Variants in TMEM164 observed in about 807,000 individuals in gnomAD.
The protein encoded by TMEM164 is RP13-360B22.2.
TMEM164 carries 4 observed loss-of-function variants against 18.8 expected under a neutral mutation model. The observed-to-expected ratio is 0.21, with a 90% CI of 0.10 to 0.49. The LOEUF is 0.49. TMEM164 is among the 20% of genes least tolerant of loss of function. The probability of loss-of-function intolerance (pLI) is 0.98; values close to 1 mark genes in which losing one functional copy is unlikely to be tolerated. For synonymous variants in TMEM164, 86 were observed against 101.7 expected (o/e 0.85, Z 0.93); for missense variants, 108 against 239.9 (o/e 0.45, Z 3.63).
chrX:110,090,215 T>A (rs967473109), intron 3 of TMEM164, among the ~76,000 whole-genome samples: 1 of 110,891 alleles, frequency 9.0e-6, no homozygotes, highest in Non-Finnish European at 1.9e-5. Flanking sequence ...CAGGGAATTA[T>A]CTTTGTGTCC....
At chrX:110,135,413 T>G (rs2066676446) in intron 4 of TMEM164, among the ~76,000 whole-genome samples, 1 of 111,651 alleles carries the variant, frequency 9.0e-6, no homozygotes, top group Non-Finnish European at 1.9e-5. Flanking sequence ...AATTACAAAT[T>G]TTTTGTAATT....
At chrX:110,134,228 G>C (rs2066652754) in intron 4 of TMEM164, among the ~76,000 whole-genome samples, 1 of 111,279 alleles carries the variant, frequency 9.0e-6, no homozygotes, top group Admixed American at 9.5e-5. Context: ...AGGAAGTCAG[G>C]AGTAGCCCTG....
chrX:110,107,687 T>C (rs1330716303), intron 3 of TMEM164, among the ~76,000 whole-genome samples: 2 of 92,384 alleles, frequency 2.2e-5, no homozygotes, highest in African/African-American at 8.0e-5. Flanking sequence ...CCTCCCCAAG[T>C]CTTGCTCTGT....
intron 2 of TMEM164, among the ~76,000 whole-genome samples, chrX:110,044,511 C>T (rs752460225): frequency 2.5e-4 from 27 of 106,581 alleles, no homozygotes; most frequent in Non-Finnish European, 4.4e-4. Context: ...GTGATCATAG[C>T]TCACTGCAAC....
intron 4 of TMEM164, among the ~76,000 whole-genome samples, chrX:110,141,565 C>G (rs1205893189): frequency 8.9e-6 from 1 of 111,743 alleles, no homozygotes; most frequent in African/African-American, 3.3e-5. Context: ...GACTTATTCA[C>G]TACCACCAGA....
chrX:110,171,076 A>G (rs2067224447), intron 5 of TMEM164, among the ~76,000 whole-genome samples: 1 of 112,581 alleles, frequency 8.9e-6, no homozygotes, highest in South Asian at 3.7e-4. Flanking sequence ...GATTGCAAAT[A>G]CTAATTTAGA....
At chrX:110,082,150 C>T (rs2147890945) in intron 3 of TMEM164, 1 of 113,497 alleles carries the variant, frequency 8.8e-6, no homozygotes, top group Non-Finnish European at 1.9e-5. Context: ...GGTGTGGAGC[C>T]AAAATTAGAA....
intron 3 of TMEM164, among the ~76,000 whole-genome samples, chrX:110,093,375 T>C (rs772661695): frequency 8.9e-6 from 1 of 112,118 alleles, no homozygotes; most frequent in African/African-American, 3.2e-5. Flanking sequence ...GAGCCTGTTA[T>C]TGTTATATTC....
chrX:110,028,812 C>T (rs1027892669), intron 2 of TMEM164, among the ~76,000 whole-genome samples: 3 of 111,745 alleles, frequency 2.7e-5, no homozygotes, highest in Non-Finnish European at 3.8e-5. Flanking sequence ...AATCACCTTA[C>T]CTTATTTTTT....
intron 3 of TMEM164, among the ~76,000 whole-genome samples, chrX:110,102,436 C>G (rs769543183): frequency 2.7e-5 from 3 of 112,053 alleles, no homozygotes; most frequent in Admixed American, 9.5e-5. Context: ...GAATTCCTAT[C>G]TATGAATTTG....
At chrX:110,009,722 T>C (rs1932912951) in intron 2 of TMEM164, among the ~76,000 whole-genome samples, 1 of 111,803 alleles carries the variant, frequency 8.9e-6, no homozygotes, top group African/African-American at 3.3e-5. Context: ...CAGCCAGGCA[T>C]GGTGGCACAC....
chrX:110,163,258 A>G, intron 5 of TMEM164, among the ~76,000 whole-genome samples: 1 of 112,450 alleles, frequency 8.9e-6, no homozygotes, highest in East Asian at 2.8e-4. Context: ...GTCCAATAAA[A>G]ACATGTGAGG....
At position 110,064,798 on chromosome X, in the gene TMEM164, G is replaced by T. The variant is rs770731968; in HGVS notation, c.391-2549G>T. 4.6e-5 allele frequency among the ~76,000 whole-genome samples: 5 copies of T among 108,478 alleles called. No individual in the cohort carries two copies. In the South Asian group the frequency reaches 2.0e-3, roughly 44 times the overall value. 94.2% of individuals were successfully genotyped at this position (108,478 alleles called of 115,157 possible). ...TCGAGACCAGCCAGGGCAACATAGT[G>T]AGACTCTGTCTCCACAAAAAAATAA... On this transcript the variant is annotated intron_variant, in intron 2 of 6. Transcript: ENST00000372068.
chrX:110,061,813 T>C (rs543876621), intron 2 of TMEM164, among the ~76,000 whole-genome samples: 1 of 110,376 alleles, frequency 9.1e-6, no homozygotes, highest in South Asian at 3.8e-4. Context: ...AACCGTGGAG[T>C]GTAAGGGAAG....
chrX:110,148,173 C>G (rs933177241), intron 5 of TMEM164, among the ~76,000 whole-genome samples: 1 of 111,194 alleles, frequency 9.0e-6, no homozygotes, highest in African/African-American at 3.3e-5. Flanking sequence ...ATTGCCCTCA[C>G]AAGTCCTGTG....
At chrX:110,072,692 A>C (rs974347858) in intron 3 of TMEM164, among the ~76,000 whole-genome samples, 2 of 110,678 alleles carry the variant, frequency 1.8e-5, no homozygotes, top group African/African-American at 3.3e-5. Context: ...CCATGTTTTC[A>C]ATTTATTTAT....
intron 2 of TMEM164, among the ~76,000 whole-genome samples, chrX:110,029,967 T>C (rs1039275809): frequency 9.0e-6 from 1 of 110,590 alleles, no homozygotes; most frequent in African/African-American, 3.3e-5. Context: ...AACTTTATTT[T>C]TTGATTATAG....
intron 2 of TMEM164, among the ~76,000 whole-genome samples, chrX:110,043,213 T>C (rs1208360195): frequency 1.8e-5 from 2 of 112,971 alleles, no homozygotes; most frequent in African/African-American, 6.4e-5. Context: ...GAGGCATATT[T>C]ATCACAGTGT....
intron 2 of TMEM164, among the ~76,000 whole-genome samples, chrX:110,047,772 T>C (rs760818593): frequency 8.9e-6 from 1 of 112,101 alleles, no homozygotes; most frequent in Non-Finnish European, 1.9e-5. Flanking sequence ...AGATTGCATT[T>C]TCCCAAGGAC....
Sources: gnomAD v4.1 joint callset for allele counts (sites outside exome capture counted in the v4.1 genomes callset) on GRCh38, gnomAD v4.1.1 for gene constraint, MANE v1.5 for transcripts, NCBI Gene and HGNC (gene_info 2026-07-23, HGNC 2026-07-21) for gene names.